Variants in SYMPK observed in about 807,000 individuals in gnomAD.
The protein encoded by SYMPK is symplekin.
A neutral mutation model predicts 136.4 loss-of-function variants in SYMPK; 49 were observed. The observed-to-expected ratio is 0.36, with a 90% confidence interval of 0.29 to 0.46. SYMPK has a LOEUF of 0.46. Among genes scored for constraint, SYMPK ranks in the 20% least tolerant of loss-of-function variants. The probability of loss-of-function intolerance (pLI) is 1.00; values close to 1 mark genes in which losing one functional copy is unlikely to be tolerated. For missense variants in SYMPK, 1,365 were observed against 1,690.0 expected (o/e 0.81, Z 3.37); for synonymous variants, 766 against 713.0 (o/e 1.07, Z -1.19).
Position 45,852,541 on chromosome 19 carries a change from A to T in SYMPK, c.172-6T>A. 1.2e-6 allele frequency: 2 copies of T among 1,614,086 alleles called. No homozygotes were observed. Among genetic ancestry groups the T allele is most frequent in the Non-Finnish European group, 1.7e-6 (2 of 1,180,008 alleles). ...TTGATGATCAGCTCCTGGACCTGGA[A>T]GGAGATTGGGGGTGGGGAGGAGGAA... is the stretch of plus-strand genomic sequence containing the variant. On this transcript the variant is annotated splice_region_variant and splice_polypyrimidine_tract_variant and intron_variant, in intron 3 of 26. Coordinates refer to ENST00000245934, the MANE Select transcript of SYMPK (RefSeq NM_004819.3).
At chr19:45,823,673 A>T (rs1970963278) in intron 19 of SYMPK, 94 bp downstream of exon 19, 3 of 1,172,644 alleles carry the variant, frequency 2.6e-6, no homozygotes, top group Non-Finnish European at 3.8e-6. Flanking sequence ...AAGAGGTACG[A>T]CCATCTGGGG....
At chr19:45,832,855 CAAAAAAAA>C (rs10561490) in intron 11 of SYMPK, among the ~76,000 whole-genome samples, 6 of 118,662 alleles carry the variant, frequency 5.1e-5, no homozygotes, top group African/African-American at 2.0e-4. Context: ...ACTAAAAATA[CAAAAAAAA>C]AAAAAAAAAA....
chr19:45,821,623 G>A lies in SYMPK; in HGVS notation c.2792-138C>T, dbSNP rs371696599. On this transcript the variant is annotated intron_variant, in intron 21 of 26. Coordinates refer to ENST00000245934, the MANE Select transcript of SYMPK (RefSeq NM_004819.3). This position sits in a 1 kb window ranked among gnomAD's most constrained non-coding sequence, Gnocchi z 4.4. Reference sequence around the variant, plus strand: ...CTTTCAGGGCTGGAACAGGGGAAGCGACTGACAACATAAAAAGGGGACACC... The same window carrying A: ...CTTTCAGGGCTGGAACAGGGGAAGCAACTGACAACATAAAAAGGGGACACC... The A allele has an allele frequency of 2.3e-5, 15 of 651,894 alleles. No homozygotes were observed. The highest frequency in any genetic ancestry group is 1.7e-4 in the African/African-American group (9 of 54,170). The allele number at this position is 651,894 out of a possible 1,614,324, so 40.4% of individuals were successfully genotyped here. A position where few individuals can be genotyped will look rare whatever the true frequency, so the allele number is the denominator to read the frequency against.
chr19:45,818,173 T>A, intron 22 of SYMPK, 27 bp from the exon 23 acceptor site: 1 of 1,512,386 alleles, frequency 6.6e-7, no homozygotes, highest in Non-Finnish European at 8.9e-7. Flanking sequence ...AGTGGGCCTG[T>A]CCTCTCTGCC....
intron 22 of SYMPK, chr19:45,820,170 C>T (rs955255053): frequency 1.3e-5 from 2 of 152,288 alleles, no homozygotes; most frequent in African/African-American, 2.4e-5. Context: ...CACAAATGGC[C>T]TTGGGGTGTG....
At chr19:45,842,768 C>T (rs1187206565) in intron 8 of SYMPK, 2 of 425,042 alleles carry the variant, frequency 4.7e-6, no homozygotes, top group Non-Finnish European at 8.5e-6. Flanking sequence ...TGGAAATTCA[C>T]ATATGCTTCG....
chr19:45,852,560 G>A, intron 3 of SYMPK, 25 bp from the exon 4 acceptor site: 1 of 1,614,048 alleles, frequency 6.2e-7, no homozygotes, highest in Non-Finnish European at 8.5e-7. Flanking sequence ...GGGGTGGGGA[G>A]GAGGAATACC....
In SYMPK at chr19:45,821,797, G is replaced by A. The variant is rs1174329050; in HGVS notation, c.2792-312C>T. 2.0e-5 allele frequency among the ~76,000 whole-genome samples: 3 copies of A among 152,154 alleles called. No homozygotes were observed. Among genetic ancestry groups the A allele is most frequent in the Non-Finnish European group, 2.9e-5 (2 of 68,018 alleles). ...GAGGGCAGGGTAGGACCACCTCCTC[G>A]TGTGGTCCCCAACACAGACTCCACC... On this transcript the variant is annotated intron_variant, in intron 21 of 26. Transcript: ENST00000245934. The surrounding 1 kb of genome is among the most constrained non-coding windows in gnomAD (Gnocchi z 4.4).
intron 3 of SYMPK, 37 bp from the exon 4 acceptor site, chr19:45,852,572 A>C: frequency 6.2e-7 from 1 of 1,613,194 alleles, no homozygotes; most frequent in African/African-American, 1.3e-5. Context: ...AGGAATACCC[A>C]TATAAAACGA....
chr19:45,826,473 G>A, intron 16 of SYMPK, 100 bp from the exon 17 acceptor site: 1 of 1,300,394 alleles, frequency 7.7e-7, no homozygotes, highest in Non-Finnish European at 1.1e-6. Flanking sequence ...ACAAGCCCGA[G>A]GCTGAGAAGG....
At chr19:45,820,881 G>A (rs1187145500) in intron 22 of SYMPK, 4 of 521,228 alleles carry the variant, frequency 7.7e-6, no homozygotes, top group Non-Finnish European at 1.0e-5. Flanking sequence ...GGCGTTCAGG[G>A]AGAGCCCAGC....
chr19:45,826,365 G>C lies in SYMPK; in HGVS notation c.2190C>G (p.Ser730=). The C allele has an allele frequency of 6.2e-7, 1 of 1,614,114 alleles. No individual in the cohort carries two copies. Among genetic ancestry groups the C allele is most frequent in the South Asian group, 1.1e-5 (1 of 91,076 alleles). ...LSSHEKDKVR[S]QALLFIKRMY... Reference sequence around the variant, plus strand: ...TGCGTTTGATGAACAGCAGGGCCTGGGAGCGCACCTGAGGAGGAAGATGGA... The same window carrying C: ...TGCGTTTGATGAACAGCAGGGCCTGCGAGCGCACCTGAGGAGGAAGATGGA... Residue 730 remains serine, a synonymous_variant, in exon 17 of 27, where the codon TCC becomes TCG. Coordinates refer to ENST00000245934, the MANE Select transcript of SYMPK (RefSeq NM_004819.3).
rs745999810 is a variant in SYMPK, at chr19:45,816,001, C to A, written c.3537G>T (p.Arg1179=). ...SSSPSPSPSA[R]PGPPPSEEAM... is the part of the protein sequence containing the mutation. ...CTTCCTCAGACGGGGGCGGGCCTGG[C>A]CGGGCCGACGGAGAGGGAGAGGGGG... The change falls in exon 26 of 27, where the codon CGG becomes CGT. Residue 1179 remains arginine (R), a synonymous_variant. Coordinates refer to ENST00000245934, the MANE Select transcript of SYMPK (RefSeq NM_004819.3). 1.3e-5 allele frequency: 21 copies of A among 1,602,390 alleles called. No homozygotes were observed. Among genetic ancestry groups the A allele is most frequent in the South Asian group, 2.2e-5 (2 of 89,326 alleles).
At chr19:45,844,415 G>A (rs1001079640) in intron 7 of SYMPK, among the ~76,000 whole-genome samples, 1 of 152,226 alleles carries the variant, frequency 6.6e-6, no homozygotes, top group African/African-American at 2.4e-5. Context: ...GCTCATGCCT[G>A]TAATCCCAGC....
rs745581075 is a variant in SYMPK at position 45,847,814 on chromosome 19, C to T, written c.614G>A (p.Arg205Gln). The T allele has an allele frequency of 2.5e-6, 4 of 1,613,956 alleles. No homozygotes were observed. Among genetic ancestry groups the T allele is most frequent in the Admixed American group, 1.7e-5 (1 of 59,986 alleles). ...CAGGCTGATATCATGCTCCTGGCGT[C>T]GGGGTATCTCTGAGTCAGCCATGCG... Reference protein sequence around the residue: ...SPRMADSEIPRRQEHDISLDR... With the variant: ...SPRMADSEIPQRQEHDISLDR... Residue 205 changes from arginine (R) to glutamine (Q), a missense_variant, in exon 7 of 27, where the codon CGA becomes CAA. This residue lies in a region of SYMPK where 237 missense variants were observed against 292.9 expected (regional missense o/e 0.81). Coordinates refer to ENST00000245934, the MANE Select transcript of SYMPK (RefSeq NM_004819.3).
intron 7 of SYMPK, among the ~76,000 whole-genome samples, chr19:45,847,421 C>T (rs947581984): frequency 7.0e-6 from 1 of 141,974 alleles, no homozygotes; most frequent in African/African-American, 2.6e-5. Context: ...AAGACTCCAT[C>T]TCAAAAAAAA....
intron 13 of SYMPK, among the ~76,000 whole-genome samples, chr19:45,829,763 G>C (rs138607895): frequency 6.6e-6 from 1 of 152,324 alleles, no homozygotes; most frequent in East Asian, 1.9e-4. Context: ...CAACCGTGAA[G>C]AACCAAGACC....
intron 11 of SYMPK, 22 bp downstream of exon 11, chr19:45,835,056 G>A (rs780350859): frequency 1.4e-5 from 21 of 1,523,552 alleles, no homozygotes; most frequent in Non-Finnish European, 1.9e-5. Context: ...CCTGGCCCAG[G>A]TTAGGGCCAG....
At position 45,854,147 on chromosome 19, in the gene SYMPK, C is replaced by T. The variant is rs114005555; in HGVS notation, c.171+28G>A. ...CCCAGCCTCCTCCCTTTCACCTGCT[C>T]AGCCCAGGATGCCCCCCGGGCCCTC... On this transcript the variant is annotated intron_variant, in intron 3 of 26. Coordinates refer to ENST00000245934, the MANE Select transcript of SYMPK (RefSeq NM_004819.3). 880 of 1,611,736 alleles carry T rather than the reference C, an allele frequency of 5.5e-4. 5 individuals carry two copies. The African/African-American group carries it at 0.011, about 20-fold the overall frequency.
Sources: gnomAD v4.1 joint callset for allele counts (sites outside exome capture counted in the v4.1 genomes callset) on GRCh38, gnomAD v4.1.1 for gene constraint, gnomAD v4.1.1 regional missense constraint, Gnocchi (gnomAD v3.1) non-coding constraint, MANE v1.5 for transcripts, NCBI Gene and HGNC (gene_info 2026-07-23, HGNC 2026-07-21) for gene names.